The following RFX3 variants were observed in gnomAD, a reference collection of about 807,000 sequenced individuals.
The protein encoded by RFX3 is transcription factor RFX3.
RFX3 carries 14 observed loss-of-function variants against 98.6 expected under a neutral mutation model. The observed-to-expected ratio is 0.14, with a 90% CI of 0.09 to 0.22. The LOEUF (loss-of-function observed/expected upper bound fraction) is 0.22. Ranked by LOEUF, RFX3 falls within the 10% of genes least tolerant of loss-of-function variation. The pLI is 1.00. For missense variants in RFX3, 639 were observed against 926.9 expected, an observed-to-expected ratio of 0.69 and a Z score of 4.03; for synonymous variants, 383 against 328.4, an observed-to-expected ratio of 1.17 and a Z score of -1.80.
intron 4 of RFX3, among the ~76,000 whole-genome samples, chr9:3,315,638 AAAG>A (rs1192612622): frequency 6.6e-6 from 1 of 152,188 alleles, no homozygotes; most frequent in Non-Finnish European, 1.5e-5. Context: ...CAAGACTAAT[AAAG>A]AAGAAAAGAG....
intron 6 of RFX3, among the ~76,000 whole-genome samples, chr9:3,292,061 C>CAAAAAAAAAAAAAAAAAAAAAAAAAAAAA (rs58788880): frequency 4.2e-5 from 1 of 23,912 alleles, no homozygotes; most frequent in Non-Finnish European, 7.7e-5. Flanking sequence ...GACTCCATCT[C>CAAAAAAAAAAAAAAAAAAAAAAAAAAAAA]AAAAAAAAAA....
rs1304914763 is a variant in RFX3, at chr9:3,266,215, T to A, written c.1448A>T (p.Gln483Leu). 6.3e-7 allele frequency: 1 copy of A among 1,599,862 alleles called. No individual in the cohort carries two copies. Among genetic ancestry groups the A allele is most frequent in the Admixed American group, 1.7e-5 (1 of 59,502 alleles). ...CAAGGACATAAAGTATACCTTGGTT[T>A]GTATCATTCTCTGTGGAATATTGTT... The part of the protein sequence containing the change: ...AMNNIPQRMI[Q>L]TKVAAVSAFA... Residue 483 changes from glutamine (Q) to leucine (L), a missense_variant, in exon 12 of 17, where the codon CAA becomes CTA. By Grantham distance (113) the Gln-to-Leu change is moderately radical (BLOSUM62 -2). Transcript: ENST00000617270.
chr9:3,339,469 A>G (rs1833612980), intron 3 of RFX3, among the ~76,000 whole-genome samples: 1 of 152,240 alleles, frequency 6.6e-6, no homozygotes, highest in Non-Finnish European at 1.5e-5. Flanking sequence ...AACAAATAAG[A>G]AAGCTGTGTG....
At chr9:3,247,908 T>TC (rs1483898956) in intron 15 of RFX3, 124 bp downstream of exon 15, 1 of 1,611,658 alleles carries the variant, frequency 6.2e-7, no homozygotes, top group Non-Finnish European at 8.5e-7. Context: ...CCACAGTCCC[T>TC]CCTGGCTCTG....
At chr9:3,447,228 CAAG>C (rs1846132838) in intron 1 of RFX3, among the ~76,000 whole-genome samples, 1 of 151,556 alleles carries the variant, frequency 6.6e-6, no homozygotes, top group Non-Finnish European at 1.5e-5. Context: ...AAAAAACACA[CAAG>C]AAAAAAAAAC....
intron 13 of RFX3, among the ~76,000 whole-genome samples, chr9:3,261,471 A>G (rs1290754571): frequency 1.3e-5 from 2 of 152,190 alleles, no homozygotes; most frequent in Admixed American, 6.5e-5. Context: ...AGAATGAATC[A>G]GAACTTCATT....
chr9:3,500,753 A>T (rs1815915167), intron 1 of RFX3, among the ~76,000 whole-genome samples: 1 of 152,190 alleles, frequency 6.6e-6, no homozygotes, highest in Non-Finnish European at 1.5e-5. Context: ...TAAAGTTATT[A>T]AAGTCAGATT....
chr9:3,389,049 A>G (rs1177278157), intron 2 of RFX3, among the ~76,000 whole-genome samples: 2 of 152,132 alleles, frequency 1.3e-5, no homozygotes, highest in Non-Finnish European at 2.9e-5. Flanking sequence ...ATGGCTTAGA[A>G]ATTATCCTCA....
chr9:3,369,974 G>A (rs527646288), intron 2 of RFX3, among the ~76,000 whole-genome samples: 7 of 148,000 alleles, frequency 4.7e-5, no homozygotes, highest in South Asian at 2.2e-4. Flanking sequence ...GACTACAGGC[G>A]CCCGCCACTA....
At chr9:3,512,528 T>C in intron 1 of RFX3, among the ~76,000 whole-genome samples, 1 of 151,956 alleles carries the variant, frequency 6.6e-6, no homozygotes, top group East Asian at 1.9e-4. Context: ...GTTTTTTATA[T>C]ATTAATATAT....
At chr9:3,279,999 A>G (rs1825724882) in intron 7 of RFX3, among the ~76,000 whole-genome samples, 2 of 151,910 alleles carry the variant, frequency 1.3e-5, no homozygotes, top group South Asian at 4.1e-4. Context: ...AAAAGATTTT[A>G]TAATACACAG....
intron 1 of RFX3, among the ~76,000 whole-genome samples, chr9:3,512,158 G>T (rs2133842020): frequency 6.6e-6 from 1 of 152,084 alleles, no homozygotes; most frequent in Admixed American, 6.5e-5. Flanking sequence ...TAAATATTTT[G>T]TTTTAAACAT....
intron 14 of RFX3, among the ~76,000 whole-genome samples, chr9:3,256,224 C>A (rs958812174): frequency 2.0e-5 from 3 of 152,268 alleles, no homozygotes; most frequent in Admixed American, 2.0e-4. Context: ...CCCACCTCAG[C>A]CTCCCAAAGT....
chr9:3,345,064 T>C (rs954177444), intron 3 of RFX3, among the ~76,000 whole-genome samples: 1 of 152,110 alleles, frequency 6.6e-6, no homozygotes, highest in African/African-American at 2.4e-5. Context: ...ATGGGAAACA[T>C]AAACAAGCAT....
chr9:3,263,404 A>G (rs538767806), intron 12 of RFX3, among the ~76,000 whole-genome samples: 18 of 152,152 alleles, frequency 1.2e-4, no homozygotes, highest in Non-Finnish European at 2.6e-4. Flanking sequence ...GGGAAGCAAG[A>G]AAAATGTTGG....
chr9:3,366,472 G>A (rs946001540), intron 2 of RFX3, among the ~76,000 whole-genome samples: 4 of 152,178 alleles, frequency 2.6e-5, no homozygotes, highest in African/African-American at 9.6e-5. Context: ...TACTATTAAA[G>A]AACATAATGA....
chr9:3,470,666 G>A (rs1487805476), intron 1 of RFX3, among the ~76,000 whole-genome samples: 1 of 152,090 alleles, frequency 6.6e-6, no homozygotes, highest in Non-Finnish European at 1.5e-5. Flanking sequence ...ACTAGCTCCA[G>A]AGTTCTTCTC....
chr9:3,254,391 C>A (rs977744504), intron 14 of RFX3, among the ~76,000 whole-genome samples: 1 of 151,992 alleles, frequency 6.6e-6, no homozygotes, highest in Non-Finnish European at 1.5e-5. Flanking sequence ...ATGGACTCTG[C>A]CTTTGGTCAT....
rs1817223257 is a variant in RFX3, at chr9:3,219,306, A to T, written c.*5736T>A. The T allele has an allele frequency of 6.6e-6, 1 of 152,194 alleles. No individual in the cohort carries two copies. The highest frequency in any genetic ancestry group is 2.1e-4 in the South Asian group (1 of 4,834). The allele number at this position is 152,194 out of a possible 1,614,324, so 9.4% of individuals were successfully genotyped here. On this transcript the variant is annotated 3_prime_UTR_variant, in exon 17 of 17. Coordinates refer to ENST00000617270, the MANE Select transcript of RFX3 (RefSeq NM_001282116.2). ...AAATTTACTTGGTTATCAACAGTCA[A>T]TGGGAGTTTTTATATTTTCTTTCCT...
Sources: allele counts gnomAD v4.1 joint callset (sites outside exome capture counted in the v4.1 genomes callset), GRCh38; gene constraint gnomAD v4.1.1; transcripts MANE v1.5; gene names NCBI Gene and HGNC (gene_info 2026-07-23, HGNC 2026-07-21).